Variants in P3H1 observed in about 807,000 individuals in gnomAD.
P3H1 encodes prolyl 3-hydroxylase 1.
P3H1 carries 69 observed loss-of-function variants against 84.0 expected under a neutral mutation model. That is an observed-to-expected ratio of 0.82 (90% CI 0.68 to 1.00). P3H1 has a LOEUF of 1.00. Ranked by LOEUF, P3H1 falls within the 50% of genes least tolerant of loss-of-function variation. The probability of loss-of-function intolerance (pLI) is 0.00; values close to 1 mark genes in which losing one functional copy is unlikely to be tolerated. For missense variants in P3H1, 878 were observed against 962.8 expected, an observed-to-expected ratio of 0.91 and a Z score of 1.17; for synonymous variants, 366 against 388.8, an observed-to-expected ratio of 0.94 and a Z score of 0.69.
chr1:42,764,216 G>A (rs911480255), intron 1 of P3H1, among the ~76,000 whole-genome samples: 6 of 151,922 alleles, frequency 3.9e-5, no homozygotes, highest in African/African-American at 7.3e-5. Flanking sequence ...AAGGTCAGGA[G>A]ATCCAGACCA....
chr1:42,747,234 C>G (rs755183203), intron 14 of P3H1, 38 bp downstream of exon 14: 1 of 1,614,184 alleles, frequency 6.2e-7, no homozygotes, highest in Non-Finnish European at 8.5e-7. Flanking sequence ...CGGGTCACCA[C>G]AGCACCAGCT....
At position 42,762,419 on chromosome 1, in the gene P3H1, A is replaced by C; in HGVS notation, c.522T>G (p.Pro174=). ...AAAHTFFVGN[P]EHMEMQQNLD... Reference sequence around the variant, plus strand: ...GGTTCTGCTGCATTTCCATGTGCTCAGGATTGCCCACGAAGAAGGTGTGTG... The same window carrying C: ...GGTTCTGCTGCATTTCCATGTGCTCCGGATTGCCCACGAAGAAGGTGTGTG... The change falls in exon 2 of 15, where the codon CCT becomes CCG. Residue 174 remains proline, a synonymous_variant. Transcript: ENST00000296388. The C allele has an allele frequency of 6.2e-7, 1 of 1,614,164 alleles. No individual in the cohort carries two copies. Among genetic ancestry groups the C allele is most frequent in the South Asian group, 1.1e-5 (1 of 91,074 alleles).
rs2124071329 is a variant in P3H1 at position 42,746,595 on chromosome 1, T to C, written c.*102A>G. 1.1e-6 allele frequency: 1 copy of C among 938,344 alleles called. No homozygotes were observed. Among genetic ancestry groups the C allele is most frequent in the South Asian group, 1.4e-5 (1 of 70,066 alleles). 58.1% of individuals were successfully genotyped at this position (938,344 alleles called of 1,614,324 possible). A position where few individuals can be genotyped will look rare whatever the true frequency, so the allele number is the denominator to read the frequency against. On this transcript the variant is annotated 3_prime_UTR_variant, in exon 15 of 15. Coordinates refer to ENST00000296388, the MANE Select transcript of P3H1 (RefSeq NM_022356.4). ...AGGGTCCCCTCGGCTGAGTGGCAGA[T>C]GTAGGCTCACTGCTCTGCAGCCCCG...
Position 42,746,700 on chromosome 1 carries a change from T to G in P3H1, c.2208A>C (p.Leu736=). The G allele has an allele frequency of 1.3e-6, 2 of 1,551,426 alleles. No individual in the cohort carries two copies. Among genetic ancestry groups the G allele is most frequent in the East Asian group, 2.4e-5 (1 of 40,916 alleles). ...SGSESKPKDE[L] is the part of the protein sequence containing the mutation. Reference sequence around the variant, plus strand: ...CATCCGTCTGACCTGGACGCTGTCATAGCTCATCCTTGGGCTTCGATTCAC... The same window carrying G: ...CATCCGTCTGACCTGGACGCTGTCAGAGCTCATCCTTGGGCTTCGATTCAC... The change falls in exon 15 of 15, where the codon CTA becomes CTC. Residue 736 remains leucine (L), a synonymous_variant. Transcript: ENST00000296388.
chr1:42,750,588 CGCCCCT>C (rs1557562973), intron 10 of P3H1, among the ~76,000 whole-genome samples: 10 of 140,940 alleles, frequency 7.1e-5, no homozygotes, highest in Non-Finnish European at 3.1e-5. Flanking sequence ...TCTGCCCGGC[CGCCCCT>C]ACTGGGAAGT....
chr1:42,755,297 C>T (rs904850832), intron 6 of P3H1, 80 bp from the exon 7 acceptor site: 1 of 1,353,496 alleles, frequency 7.4e-7, no homozygotes, highest in Admixed American at 1.7e-5. Context: ...AAATAAGGCC[C>T]ACAGGAGTAA....
chr1:42,749,366 C>T (rs1340270609), intron 11 of P3H1, among the ~76,000 whole-genome samples: 1 of 152,164 alleles, frequency 6.6e-6, no homozygotes, highest in Non-Finnish European at 1.5e-5. Context: ...CTGGAGGCTC[C>T]AGTATGACAG....
In P3H1 at chr1:42,747,486, C is replaced by T. The variant is rs531242673; in HGVS notation, c.1915-74G>A. 2.8e-6 allele frequency: 4 copies of T among 1,439,934 alleles called. No homozygotes were observed. The East Asian group carries it at 9.1e-5, about 33-fold the overall frequency. The allele number at this position is 1,439,934 out of a possible 1,614,324, so 89.2% of individuals were successfully genotyped here. ...TCCACTCTCAGAAGAGACATGGGCT[C>T]ATTAGGGCTCACGACCGAGGGCAGC... On this transcript the variant is annotated intron_variant, in intron 13 of 14. Coordinates refer to ENST00000296388, the MANE Select transcript of P3H1 (RefSeq NM_022356.4).
At chr1:42,747,050 T>C (rs1340896297) in intron 14 of P3H1, 198 bp from the exon 15 acceptor site, 2 of 1,614,040 alleles carry the variant, frequency 1.2e-6, no homozygotes. Context: ...CATCGCTCCC[T>C]GTCTTGACCT....
intron 3 of P3H1, 106 bp downstream of exon 3, chr1:42,759,095 T>C: frequency 6.4e-7 from 1 of 1,572,284 alleles, no homozygotes; most frequent in Non-Finnish European, 8.8e-7. Context: ...TTCTCAGATT[T>C]AATAAATTGA....
At chr1:42,750,884 GC>G (rs1393823214) in intron 10 of P3H1, among the ~76,000 whole-genome samples, 2 of 147,912 alleles carry the variant, frequency 1.4e-5, no homozygotes, top group African/African-American at 5.0e-5. Context: ...CTGCCCGGCT[GC>G]CCCTACTGGG....
At position 42,755,110 on chromosome 1, in the gene P3H1, G is replaced by T; in HGVS notation, c.1223+55C>A. 12 of 1,612,270 alleles carry T rather than the reference G, an allele frequency of 7.4e-6. No individual in the cohort carries two copies. In the South Asian group the frequency reaches 1.3e-4, roughly 18 times the overall value. ...GTTCACATCTGCCTGGGCTCAGGAA[G>T]CCTCAAGTGCTTCATCAGACTGATC... On this transcript the variant is annotated intron_variant, in intron 7 of 14. Coordinates refer to ENST00000296388, the MANE Select transcript of P3H1 (RefSeq NM_022356.4).
intron 10 of P3H1, 95 bp downstream of exon 10, chr1:42,752,179 T>C: frequency 9.5e-7 from 1 of 1,049,932 alleles, no homozygotes. Flanking sequence ...CCTCTTCACC[T>C]TTCCTGCCAC....
intron 5 of P3H1, 34 bp downstream of exon 5, chr1:42,757,749 C>A (rs1316343670): frequency 6.2e-7 from 1 of 1,614,166 alleles, no homozygotes; most frequent in Non-Finnish European, 8.5e-7. Flanking sequence ...CTGAGTTCAG[C>A]TGGCAGCTGT....
At chr1:42,752,150 A>T in intron 10 of P3H1, 124 bp downstream of exon 10, 1 of 812,980 alleles carries the variant, frequency 1.2e-6, no homozygotes, top group Non-Finnish European at 2.1e-6. Flanking sequence ...CCTGGCAACA[A>T]GAATGTTGGC....
intron 12 of P3H1, 61 bp downstream of exon 12, chr1:42,748,139 G>A: frequency 2.5e-6 from 3 of 1,222,422 alleles, no homozygotes; most frequent in Admixed American, 1.7e-5. Flanking sequence ...AGAGTGCAGG[G>A]CACTGTGGGG....
intron 2 of P3H1, 182 bp downstream of exon 2, chr1:42,762,141 C>T: frequency 1.7e-6 from 1 of 602,426 alleles, no homozygotes; most frequent in Non-Finnish European, 2.9e-6. Flanking sequence ...CAAAAGAATG[C>T]ATGCCTGTAG....
Position 42,759,384 on chromosome 1 carries a change from A to G in P3H1, c.625T>C (p.Phe209Leu). ...GAGTAGAGTCGCACTCCCAGTCGAA[A>G]TTCTTGCTACTGGGAAGAAGGAGCA... ...DLETQPHMQE[F>L]RLGVRLYSEE... The change falls in exon 3 of 15, where the codon TTT (phenylalanine) becomes CTT (leucine). Residue 209 changes from phenylalanine (F) to leucine (L), a missense_variant. Coordinates refer to ENST00000296388, the MANE Select transcript of P3H1 (RefSeq NM_022356.4). The G allele has an allele frequency of 6.2e-7, 1 of 1,614,062 alleles. No individual in the cohort carries two copies. Among genetic ancestry groups the G allele is most frequent in the Non-Finnish European group, 8.5e-7 (1 of 1,179,982 alleles).
rs1198916822 is a variant in P3H1 at position 42,762,328 on chromosome 1, G to A, written c.613C>T (p.His205Tyr). 2 of 1,613,740 alleles carry A rather than the reference G, an allele frequency of 1.2e-6. No individual in the cohort carries two copies. The highest frequency in any genetic ancestry group is 1.7e-6 in the Non-Finnish European group (2 of 1,179,856). ...ADFKDLETQP[H>Y]MQEFRLGVRL... ...GGGGATAAAGTTTTTTTCACCATAT[G>A]GGGTTGAGTCTCAAGATCCTTGAAG... Residue 205 changes from histidine to tyrosine, a missense_variant, in exon 2 of 15, where the codon CAT becomes TAT. By Grantham distance (83) the His-to-Tyr change is moderately conservative (BLOSUM62 2). Coordinates refer to ENST00000296388, the MANE Select transcript of P3H1 (RefSeq NM_022356.4).
Sources: gnomAD v4.1 joint callset for allele counts (sites outside exome capture counted in the v4.1 genomes callset) on GRCh38, gnomAD v4.1.1 for gene constraint, MANE v1.5 for transcripts, NCBI Gene and HGNC (gene_info 2026-07-23, HGNC 2026-07-21) for gene names.